Variants in DMC1 observed in about 807,000 individuals in gnomAD.
DMC1 encodes meiotic recombination protein DMC1 homolog.
DMC1 carries 27 observed loss-of-function variants against 50.1 expected under a neutral mutation model. That is an observed-to-expected ratio of 0.54 (90% confidence interval 0.40 to 0.74). The LOEUF (loss-of-function observed/expected upper bound fraction) is 0.74, where lower values mean the gene tolerates loss of function less well. Among genes scored for constraint, DMC1 ranks in the 30% least tolerant of loss-of-function variants. DMC1 has a pLI of 0.00. For synonymous variants in DMC1, 148 were observed against 136.1 expected (o/e 1.09, Z -0.61); for missense variants, 295 against 420.2 (o/e 0.70, Z 2.60).
At chr22:38,509,441 G>A in the DMC1 span, among the ~76,000 whole-genome samples, 145,274 of 152,242 alleles carry the variant, frequency 0.95, 69,439 homozygotes, top group Admixed American at 0.98. Flanking sequence ...GCATTTTCAC[G>A]TAAGATAAAA....
chr22:38,509,553 C>T, the DMC1 span, among the ~76,000 whole-genome samples: 1 of 152,140 alleles, frequency 6.6e-6, no homozygotes, highest in East Asian at 1.9e-4. Flanking sequence ...TGATGGTAAA[C>T]CATCAATGTA....
intron 8 of DMC1, among the ~76,000 whole-genome samples, chr22:38,548,054 C>A (rs1238889844): frequency 6.6e-6 from 1 of 152,164 alleles, no homozygotes; most frequent in South Asian, 2.1e-4. Context: ...ACTTTTACAA[C>A]CAGATTTCCT....
intron 8 of DMC1, among the ~76,000 whole-genome samples, chr22:38,547,626 C>T (rs1266597442): frequency 3.3e-5 from 5 of 152,134 alleles, no homozygotes; most frequent in South Asian, 2.1e-4. Flanking sequence ...CCGCAACCTC[C>T]GCCTCCCAGT....
intron 12 of DMC1, among the ~76,000 whole-genome samples, chr22:38,525,657 G>A (rs2090079824): frequency 6.6e-6 from 1 of 152,128 alleles, no homozygotes; most frequent in Admixed American, 6.6e-5. Context: ...ATATAGGAAT[G>A]AGGCTGGGCA....
At chr22:38,561,116 A>G (rs1027632709) in intron 5 of DMC1, among the ~76,000 whole-genome samples, 7 of 151,688 alleles carry the variant, frequency 4.6e-5, no homozygotes, top group South Asian at 2.1e-4. Flanking sequence ...CAATCCTTCT[A>G]TCTCACTCAG....
At chr22:38,526,298 G>A (rs906331279) in intron 12 of DMC1, among the ~76,000 whole-genome samples, 7 of 151,826 alleles carry the variant, frequency 4.6e-5, no homozygotes, top group Non-Finnish European at 7.4e-5. Flanking sequence ...TCCACCTCCC[G>A]GGTTCAAGCG....
chr22:38,553,761 C>A (rs2090439325), intron 6 of DMC1, among the ~76,000 whole-genome samples: 1 of 151,702 alleles, frequency 6.6e-6, no homozygotes, highest in African/African-American at 2.4e-5. Flanking sequence ...GAGTTCGAGA[C>A]CAGCCTGGGC....
At chr22:38,531,407 A>T (rs1045978657) in intron 12 of DMC1, among the ~76,000 whole-genome samples, 3 of 152,142 alleles carry the variant, frequency 2.0e-5, no homozygotes, top group Admixed American at 6.6e-5. Context: ...AGTATAATGC[A>T]TGGGATATAA....
chr22:38,524,313 C>A (rs1321292432), intron 12 of DMC1, among the ~76,000 whole-genome samples: 1 of 152,122 alleles, frequency 6.6e-6, no homozygotes, highest in African/African-American at 2.4e-5. Context: ...ACTCAGGAAG[C>A]TGAGGCAGAA....
chr22:38,545,609 G>A (rs2090334925), intron 8 of DMC1, among the ~76,000 whole-genome samples: 1 of 152,078 alleles, frequency 6.6e-6, no homozygotes, highest in Non-Finnish European at 1.5e-5. Context: ...TTTTAGTAGA[G>A]ACAGGGTTTC....
At chr22:38,522,659 A>G (rs2090041904) in intron 12 of DMC1, among the ~76,000 whole-genome samples, 1 of 152,218 alleles carries the variant, frequency 6.6e-6, no homozygotes, top group Non-Finnish European at 1.5e-5. Context: ...ACTTGATCAA[A>G]ATAAACTATG....
At chr22:38,568,570 AT>A (rs2090605809) in intron 1 of DMC1, among the ~76,000 whole-genome samples, 1 of 152,128 alleles carries the variant, frequency 6.6e-6, no homozygotes, top group African/African-American at 2.4e-5. Context: ...GTGATCACTT[AT>A]CATCTGGTTT....
At chr22:38,532,414 C>T (rs981495039) in intron 12 of DMC1, among the ~76,000 whole-genome samples, 4 of 151,018 alleles carry the variant, frequency 2.6e-5, no homozygotes, top group Admixed American at 6.6e-5. Flanking sequence ...CCTCCCCTCC[C>T]GGGTTCAAAC....
At chr22:38,563,059 G>A (rs947497186) in intron 4 of DMC1, among the ~76,000 whole-genome samples, 3 of 152,106 alleles carry the variant, frequency 2.0e-5, no homozygotes, top group African/African-American at 4.8e-5. Flanking sequence ...GTGAGCCACC[G>A]TGCCCAGCCA....
At chr22:38,542,935 C>T (rs182965209) in intron 8 of DMC1, among the ~76,000 whole-genome samples, 4 of 152,116 alleles carry the variant, frequency 2.6e-5, no homozygotes, top group Non-Finnish European at 4.4e-5. Flanking sequence ...ACAAAGGTGC[C>T]AATAACATAC....
intron 11 of DMC1, among the ~76,000 whole-genome samples, chr22:38,537,875 C>A (rs140935063): frequency 1.1e-3 from 163 of 152,114 alleles, no homozygotes; most frequent in African/African-American, 3.7e-3. Context: ...CCGGGCTCAG[C>A]GGCTCATGCC....
intron 12 of DMC1, among the ~76,000 whole-genome samples, chr22:38,523,395 T>A (rs2090051027): frequency 6.6e-6 from 1 of 152,228 alleles, no homozygotes; most frequent in Admixed American, 6.5e-5. Context: ...AAAATAATCT[T>A]ATGTTCTATA....
intron 12 of DMC1, among the ~76,000 whole-genome samples, chr22:38,522,925 C>A (rs1224563797): frequency 6.6e-6 from 1 of 152,014 alleles, no homozygotes; most frequent in Non-Finnish European, 1.5e-5. Context: ...CCAGAAGACC[C>A]CTGGTTGGTG....
In DMC1 at chr22:38,552,724, A is replaced by G; in HGVS notation, c.380-17T>C. The G allele has an allele frequency of 6.5e-7, 1 of 1,546,656 alleles. No homozygotes were observed. Among genetic ancestry groups the G allele is most frequent in the East Asian group, 2.2e-5 (1 of 44,504 alleles). On this transcript the variant is annotated splice_polypyrimidine_tract_variant and intron_variant, in intron 6 of 13. Coordinates refer to ENST00000216024, the MANE Select transcript of DMC1 (RefSeq NM_007068.4). ...TACGAAATTCTGTGAAATACAGAAA[A>G]AAATGATTTTAAAAATGCATAATTT...
Sources: gnomAD v4.1 joint callset for allele counts (sites outside exome capture counted in the v4.1 genomes callset) on GRCh38, gnomAD v4.1.1 for gene constraint, MANE v1.5 for transcripts, NCBI Gene and HGNC (gene_info 2026-07-23, HGNC 2026-07-21) for gene names.